KCNQ1: variants seen among roughly 807,000 people sequenced by gnomAD.
The protein encoded by KCNQ1 is potassium voltage-gated channel subfamily KQT member 1.
A neutral mutation model predicts 72.4 loss-of-function variants in KCNQ1; 49 were observed. The observed-to-expected ratio is 0.68, with a 90% confidence interval of 0.54 to 0.86. The LOEUF is 0.86. Among genes scored for constraint, KCNQ1 ranks in the 40% least tolerant of loss-of-function variants. KCNQ1 has a pLI of 0.00. For synonymous variants in KCNQ1, 450 were observed against 412.6 expected (o/e 1.09, Z -1.10); for missense variants, 790 against 945.1 (o/e 0.84, Z 2.15).
Position 2,723,173 on chromosome 11 carries a change from G to T in KCNQ1, c.1515-45671G>T, listed in dbSNP as rs1845701088. Reference sequence around the variant, plus strand: ...GCTCCGCCTTCCTCCGTGGTGGCCTGAGAGGGGTGTGGTGCTGCTTGTCCG... The same window carrying T: ...GCTCCGCCTTCCTCCGTGGTGGCCTTAGAGGGGTGTGGTGCTGCTTGTCCG... On this transcript the variant is annotated intron_variant, in intron 11 of 15. Transcript: ENST00000155840. The surrounding 1 kb of genome is among the most constrained non-coding windows in gnomAD (Gnocchi z 4.2). Among the ~76,000 whole-genome samples, 1 of 152,206 alleles carries T rather than the reference G, an allele frequency of 6.6e-6. No homozygotes were observed. Among genetic ancestry groups the T allele is most frequent in the Non-Finnish European group, 1.5e-5 (1 of 68,042 alleles).
In KCNQ1 at chr11:2,847,842, A is replaced by C. The variant is rs1590130223; in HGVS notation, c.1870A>C (p.Thr624Pro). The C allele has an allele frequency of 6.4e-7, 1 of 1,569,314 alleles. No homozygotes were observed. Among genetic ancestry groups the C allele is most frequent in the Non-Finnish European group, 8.6e-7 (1 of 1,156,822 alleles). The change falls in exon 16 of 16, where the codon ACC becomes CCC. Residue 624 changes from threonine to proline, a missense_variant. This residue lies in a region of KCNQ1 where 94 missense variants were observed against 85.2 expected (regional missense o/e 1.10). Transcript: ENST00000155840. ...HQLLSLHGGS[T>P]PGSGGPPREG... ...GCTGCTCTCCTTGCACGGTGGCAGC[A>C]CCCCCGGCAGCGGCGGCCCCCCCAG...
chr11:2,584,830 G>A (rs954194041), intron 7 of KCNQ1, among the ~76,000 whole-genome samples: 5 of 152,110 alleles, frequency 3.3e-5, no homozygotes, highest in Middle Eastern at 3.2e-3. Flanking sequence ...GTCCTTGGGC[G>A]AGGCAGCAGC....
chr11:2,572,139 C>T (rs772444862), intron 5 of KCNQ1, 30 bp downstream of exon 5: 24 of 1,548,792 alleles, frequency 1.5e-5, no homozygotes, highest in Non-Finnish European at 2.0e-5. Context: ...GGTGCGGGGC[C>T]CAGGTTGGGG....
rs986039820 is a variant in KCNQ1 at position 2,508,561 on chromosome 11, C to G, written c.387-19367C>G. 3.3e-5 allele frequency among the ~76,000 whole-genome samples: 5 copies of G among 151,998 alleles called. No homozygotes were observed. The highest frequency in any genetic ancestry group is 9.7e-5 in the African/African-American group (4 of 41,380). ...ACCTGAGAGGTTTCGGGGCAGGGTCCCAGCCTCCATGTACGGGGCTGGGAC... is the reference window on the plus strand; with the variant it reads ...ACCTGAGAGGTTTCGGGGCAGGGTCGCAGCCTCCATGTACGGGGCTGGGAC... On this transcript the variant is annotated intron_variant, in intron 1 of 15. Transcript: ENST00000155840. The surrounding 1 kb of genome is among the most constrained non-coding windows in gnomAD (Gnocchi z 6.2).
chr11:2,458,633 C>CTGGTTGGA lies in KCNQ1; in HGVS notation c.386+13152_386+13153insTTGGATGG, dbSNP rs577012825. Among the ~76,000 whole-genome samples the CTGGTTGGA allele has an allele frequency of 8.0e-5, 12 of 149,826 alleles. No homozygotes were observed. Among genetic ancestry groups the CTGGTTGGA allele is most frequent in the Non-Finnish European group, 1.8e-4 (12 of 67,138 alleles). On this transcript the variant is annotated intron_variant, in intron 1 of 15. Coordinates refer to ENST00000155840, the MANE Select transcript of KCNQ1 (RefSeq NM_000218.3). This position sits in a 1 kb window ranked among gnomAD's most constrained non-coding sequence, Gnocchi z 4.6. ...GCTCCCATCCACAATGCTTCCTTGC[C>CTGGTTGGA]TGGATGGATGGATGGATGGATGGAT...
At position 2,621,776 on chromosome 11, in the gene KCNQ1, G is replaced by C; in HGVS notation, c.1393+32922G>C. ...TTTTGTCCTCTTTCTTAGTCCAAGA[G>C]TTTGTTGATTTTATTTTTCAAAAAT... On this transcript the variant is annotated intron_variant, in intron 10 of 15. Coordinates refer to ENST00000155840, the MANE Select transcript of KCNQ1 (RefSeq NM_000218.3). This position sits in a 1 kb window ranked among gnomAD's most constrained non-coding sequence, Gnocchi z 5.7. 1 of 398,260 alleles carries C rather than the reference G, an allele frequency of 2.5e-6. No individual in the cohort carries two copies. Among genetic ancestry groups the C allele is most frequent in the East Asian group, 3.6e-5 (1 of 27,994 alleles). 24.7% of individuals were successfully genotyped at this position (398,260 alleles called of 1,614,324 possible).
intron 15 of KCNQ1, among the ~76,000 whole-genome samples, chr11:2,778,283 T>G (rs1377453105): frequency 6.6e-6 from 1 of 152,230 alleles, no homozygotes; most frequent in Non-Finnish European, 1.5e-5. Context: ...GTGGCGTCTT[T>G]ACTGGCAGGT....
intron 10 of KCNQ1, among the ~76,000 whole-genome samples, chr11:2,589,396 C>T (rs937677331): frequency 7.2e-5 from 11 of 152,204 alleles, no homozygotes; most frequent in Non-Finnish European, 1.5e-4. Context: ...ACCCCTGCAG[C>T]GGGGGCTGGG....
At position 2,579,248 on chromosome 11, in the gene KCNQ1, G is replaced by A. The variant is rs2133743704; in HGVS notation, c.922-4187G>A. Among the ~76,000 whole-genome samples the A allele has an allele frequency of 6.6e-6, 1 of 152,300 alleles. No individual in the cohort carries two copies. Among genetic ancestry groups the A allele is most frequent in the East Asian group, 1.9e-4 (1 of 5,156 alleles). On this transcript the variant is annotated intron_variant, in intron 6 of 15. Transcript: ENST00000155840. This position sits in a 1 kb window ranked among gnomAD's most constrained non-coding sequence, Gnocchi z 6.0. ...GAATAGAATCCCAGTGTTTCTCAGG[G>A]AGGAACATGGGGGGACTAGAAGGCT...
intron 15 of KCNQ1, among the ~76,000 whole-genome samples, chr11:2,819,991 C>T (rs189333644): frequency 5.6e-4 from 85 of 152,246 alleles, no homozygotes; most frequent in Middle Eastern, 3.4e-3. Flanking sequence ...ACTTTACTTG[C>T]TTAAGGTTTA....
chr11:2,722,713 G>A lies in KCNQ1; in HGVS notation c.1515-46131G>A, dbSNP rs573635947. Among the ~76,000 whole-genome samples, 60 of 152,138 alleles carry A rather than the reference G, an allele frequency of 3.9e-4. 1 individual carries two copies. In the South Asian group the frequency reaches 0.011, roughly 29 times the overall value. Reference sequence around the variant, plus strand: ...GGAGTCATGACCTGTTTAGTAAATAGGCTATGGCAGCCTCTTGGAACTTAG... The same window carrying A: ...GGAGTCATGACCTGTTTAGTAAATAAGCTATGGCAGCCTCTTGGAACTTAG... On this transcript the variant is annotated intron_variant, in intron 11 of 15. Transcript: ENST00000155840.
Position 2,833,343 on chromosome 11 carries a change from C to A in KCNQ1, c.1795-14424C>A, listed in dbSNP as rs367956868. On this transcript the variant is annotated intron_variant, in intron 15 of 15. Transcript: ENST00000155840. ...AGTGCCCTGGAGCCGAGTCCTCCCC[C>A]CACCTGCCCACATGCCCCACCCCTC... Among the ~76,000 whole-genome samples the A allele has an allele frequency of 6.6e-5, 10 of 152,330 alleles. No individual in the cohort carries two copies. The East Asian group carries it at 1.4e-3, about 21-fold the overall frequency.
At chr11:2,631,816 G>A in intron 10 of KCNQ1, 1 of 398,658 alleles carries the variant, frequency 2.5e-6, no homozygotes, top group Non-Finnish European at 4.4e-6. Context: ...AAGGCTGAGT[G>A]TCCTGATGCT....
rs1475725047 is a variant in KCNQ1 at position 2,654,599 on chromosome 11, G to T, written c.1394-7362G>T. ...AGGAGGGGAAGGGCAGGGGGTGAGTGGTTGGGTGAAGTTACTAGGAAGGGC... is the reference window on the plus strand; with the variant it reads ...AGGAGGGGAAGGGCAGGGGGTGAGTTGTTGGGTGAAGTTACTAGGAAGGGC... On this transcript the variant is annotated intron_variant, in intron 10 of 15. Coordinates refer to ENST00000155840, the MANE Select transcript of KCNQ1 (RefSeq NM_000218.3). This position sits in a 1 kb window ranked among gnomAD's most constrained non-coding sequence, Gnocchi z 6.4. 2 of 398,682 alleles carry T rather than the reference G, an allele frequency of 5.0e-6. No individual in the cohort carries two copies. The highest frequency in any genetic ancestry group is 3.6e-5 in the East Asian group (1 of 28,100). The allele number at this position is 398,682 out of a possible 1,614,324, so 24.7% of individuals were successfully genotyped here.
At chr11:2,503,876 G>T (rs1342134492) in intron 1 of KCNQ1, among the ~76,000 whole-genome samples, 1 of 152,216 alleles carries the variant, frequency 6.6e-6, no homozygotes, top group Non-Finnish European at 1.5e-5. Flanking sequence ...CTTGTACACT[G>T]TTGGTGGGAA....
intron 6 of KCNQ1, 21 bp downstream of exon 6, chr11:2,573,007 C>T (rs1340793252): frequency 1.2e-6 from 2 of 1,610,732 alleles, no homozygotes; most frequent in African/African-American, 2.7e-5. Context: ...AACTTCCAGG[C>T]ATGGGGACAG....
intron 15 of KCNQ1, among the ~76,000 whole-genome samples, chr11:2,790,734 C>T (rs1361620009): frequency 6.6e-6 from 1 of 152,220 alleles, no homozygotes; most frequent in Non-Finnish European, 1.5e-5. Context: ...TGCAAAGGCC[C>T]TGTGGCGTGG....
intron 11 of KCNQ1, chr11:2,672,585 G>T (rs1373570290): frequency 1.0e-5 from 4 of 398,564 alleles, no homozygotes; most frequent in South Asian, 1.3e-4. Flanking sequence ...CCTGAATTTT[G>T]ATTGGGAAAG....
chr11:2,574,056 C>G (rs1331425954), intron 6 of KCNQ1, among the ~76,000 whole-genome samples: 3 of 152,182 alleles, frequency 2.0e-5, no homozygotes, highest in African/African-American at 7.2e-5. Flanking sequence ...TTTATATATG[C>G]ATGGAGCTCA....
Sources: gnomAD v4.1 joint callset for allele counts (sites outside exome capture counted in the v4.1 genomes callset) on GRCh38, gnomAD v4.1.1 for gene constraint, gnomAD v4.1.1 regional missense constraint, Gnocchi (gnomAD v3.1) non-coding constraint, MANE v1.5 for transcripts, NCBI Gene and HGNC (gene_info 2026-07-23, HGNC 2026-07-21) for gene names.